The following CMTM7 variants were observed in gnomAD, a reference collection of about 807,000 sequenced individuals.
The protein encoded by CMTM7 is CKLF-like MARVEL transmembrane domain-containing protein 7.
Under a neutral mutation model 19.3 loss-of-function variants are expected in CMTM7, and 7 were observed. The observed-to-expected ratio is 0.36, with a 90% confidence interval of 0.21 to 0.68. The LOEUF (loss-of-function observed/expected upper bound fraction) is 0.68, where lower values mean the gene tolerates loss of function less well. CMTM7 is among the 30% of genes least tolerant of loss of function. The pLI, the probability that CMTM7 is intolerant of heterozygous loss-of-function variation, is 0.60. For missense variants in CMTM7, 193 were observed against 232.6 expected (o/e 0.83, Z 1.11); for synonymous variants, 87 against 99.3 (o/e 0.88, Z 0.74).
At chr3:32,450,578 G>A (rs1377625379) in intron 3 of CMTM7, among the ~76,000 whole-genome samples, 1 of 152,104 alleles carries the variant, frequency 6.6e-6, no homozygotes, top group African/African-American at 2.4e-5. Flanking sequence ...ACTGTAGAGG[G>A]TGGCCAAACC....
At chr3:32,427,075 G>A (rs906885943) in intron 1 of CMTM7, among the ~76,000 whole-genome samples, 1 of 152,126 alleles carries the variant, frequency 6.6e-6, no homozygotes, top group Non-Finnish European at 1.5e-5. Context: ...TAAAGTTAAG[G>A]CCACACCACT....
intron 1 of CMTM7, among the ~76,000 whole-genome samples, chr3:32,400,275 C>G (rs1450012929): frequency 1.3e-5 from 2 of 152,106 alleles, no homozygotes; most frequent in African/African-American, 4.8e-5. Flanking sequence ...CTGCCTTGGC[C>G]TCGCAAAGTG....
Position 32,442,013 on chromosome 3 carries a change from G to A in CMTM7, c.333G>A (p.Ser111=), listed in dbSNP as rs1430695225. ...RVLTCISWPL[S]ELLHYLIGTL... ...TCACCTGTATCAGCTGGCCCCTGTC[G>A]GTAAGAGAGTGGTCTGGCCCTGTCC... is the stretch of plus-strand genomic sequence containing the variant. Residue 111 remains serine (S), a splice_region_variant and synonymous_variant, in exon 2 of 5, where the codon TCG becomes TCA. Transcript: ENST00000334983. The A allele has an allele frequency of 5.0e-6, 8 of 1,613,882 alleles. No homozygotes were observed. Among genetic ancestry groups the A allele is most frequent in the East Asian group, 2.2e-5 (1 of 44,876 alleles).
chr3:32,412,532 C>G (rs1696193491), intron 1 of CMTM7, among the ~76,000 whole-genome samples: 1 of 81,698 alleles, frequency 1.2e-5, no homozygotes, highest in African/African-American at 3.9e-5. Flanking sequence ...CACACACACA[C>G]ACACACACTG....
intron 3 of CMTM7, chr3:32,451,356 C>T (rs1696826488): frequency 6.6e-6 from 1 of 152,312 alleles, no homozygotes; most frequent in Non-Finnish European, 1.5e-5. Flanking sequence ...GGTCTGAGAA[C>T]ACCTAGGCAC....
At chr3:32,425,192 C>T (rs774683652) in intron 1 of CMTM7, among the ~76,000 whole-genome samples, 30 of 152,130 alleles carry the variant, frequency 2.0e-4, no homozygotes, top group Non-Finnish European at 3.7e-4. Context: ...CAGCCCTATG[C>T]CTGGCACATA....
chr3:32,449,579 G>T lies in CMTM7; in HGVS notation c.432+27G>T, dbSNP rs752028307. 8.5e-6 allele frequency: 13 copies of T among 1,536,640 alleles called. No individual in the cohort carries two copies. In the African/African-American group the frequency reaches 1.6e-4, roughly 19 times the overall value. ...TGAGGATGTTTTGGGGAGCCTTTAG[G>T]AATGAATTCTTATTTAAAATGCTCA... On this transcript the variant is annotated intron_variant, in intron 3 of 4. Coordinates refer to ENST00000334983, the MANE Select transcript of CMTM7 (RefSeq NM_138410.4). The surrounding 1 kb of genome is among the most constrained non-coding windows in gnomAD (Gnocchi z 4.5).
chr3:32,402,416 TA>T (rs1696024027), intron 1 of CMTM7, among the ~76,000 whole-genome samples: 3 of 123,994 alleles, frequency 2.4e-5, no homozygotes, highest in Admixed American at 8.4e-5. Flanking sequence ...CCGGCCAGTT[TA>T]CTTTAGATAG....
At chr3:32,404,815 G>A (rs1696066103) in intron 1 of CMTM7, among the ~76,000 whole-genome samples, 1 of 152,234 alleles carries the variant, frequency 6.6e-6, no homozygotes, top group Non-Finnish European at 1.5e-5. Flanking sequence ...CATATGCCAA[G>A]GTGAAGGGAT....
chr3:32,397,530 C>T (rs563107303), intron 1 of CMTM7, among the ~76,000 whole-genome samples: 12 of 151,682 alleles, frequency 7.9e-5, no homozygotes, highest in African/African-American at 2.9e-4. Flanking sequence ...GTCAGGAGAT[C>T]GAGACCATCC....
In CMTM7 at chr3:32,454,275, C is replaced by G; in HGVS notation, c.*21C>G. ...TCTGATGAGGCCACAACCCCTAGGCCCCTCAGGAGCTTTGCAGAGAGGAGG... is the reference window on the plus strand; with the variant it reads ...TCTGATGAGGCCACAACCCCTAGGCGCCTCAGGAGCTTTGCAGAGAGGAGG... On this transcript the variant is annotated 3_prime_UTR_variant, in exon 5 of 5. Coordinates refer to ENST00000334983, the MANE Select transcript of CMTM7 (RefSeq NM_138410.4). 1 of 1,613,664 alleles carries G rather than the reference C, an allele frequency of 6.2e-7. No homozygotes were observed. The highest frequency in any genetic ancestry group is 8.5e-7 in the Non-Finnish European group (1 of 1,179,650).
At chr3:32,404,416 C>G (rs1007899923) in intron 1 of CMTM7, among the ~76,000 whole-genome samples, 9 of 152,294 alleles carry the variant, frequency 5.9e-5, no homozygotes, top group African/African-American at 2.2e-4. Context: ...CCTCCTTGGC[C>G]TCCCAAAGTG....
Position 32,407,818 on chromosome 3 carries a change from A to G in CMTM7, c.159+15753A>G, listed in dbSNP as rs77782332. ...GAGGTTTGTGATGACATATATCCTG[A>G]ATTTATGGATGTGATCACTACTGTA... On this transcript the variant is annotated intron_variant, in intron 1 of 4. Coordinates refer to ENST00000334983, the MANE Select transcript of CMTM7 (RefSeq NM_138410.4). Among the ~76,000 whole-genome samples, 555 of 152,252 alleles carry G rather than the reference A, an allele frequency of 3.6e-3. 7 individuals are homozygous for G. The highest frequency in any genetic ancestry group is 0.013 in the African/African-American group (524 of 41,558).
At chr3:32,402,002 C>T (rs982856924) in intron 1 of CMTM7, among the ~76,000 whole-genome samples, 10 of 152,226 alleles carry the variant, frequency 6.6e-5, no homozygotes, top group African/African-American at 2.4e-4. Flanking sequence ...AGGGCAGTGA[C>T]GCGGCTCTTC....
chr3:32,431,912 A>G (rs1411374837), intron 1 of CMTM7, among the ~76,000 whole-genome samples: 1 of 152,196 alleles, frequency 6.6e-6, no homozygotes, highest in Non-Finnish European at 1.5e-5. Context: ...TGAGCAAATA[A>G]CTTGAGGCCA....
intron 1 of CMTM7, among the ~76,000 whole-genome samples, chr3:32,440,157 A>G (rs1325825687): frequency 2.0e-5 from 3 of 152,044 alleles, no homozygotes; most frequent in African/African-American, 7.3e-5. Context: ...CTGTAATCAC[A>G]GCACTTTGGG....
chr3:32,416,693 T>G (rs2458024), intron 1 of CMTM7, among the ~76,000 whole-genome samples: 63,744 of 151,890 alleles, frequency 0.42, 13,655 homozygotes, highest in South Asian at 0.47. Context: ...CCCAACCATA[T>G]GTACTTGTTA....
At chr3:32,443,661 C>T (rs1696713005) in intron 2 of CMTM7, among the ~76,000 whole-genome samples, 1 of 152,174 alleles carries the variant, frequency 6.6e-6, no homozygotes, top group South Asian at 2.1e-4. Context: ...GCCAAAGTGG[C>T]TCACTGTTTT....
rs112743906 is a variant in CMTM7 at position 32,441,584 on chromosome 3, A to G, written c.160-256A>G. Among the ~76,000 whole-genome samples, 391 of 152,328 alleles carry G rather than the reference A, an allele frequency of 2.6e-3. 1 individual carries two copies. Among genetic ancestry groups the G allele is most frequent in the African/African-American group, 8.9e-3 (372 of 41,572 alleles). ...TCTGAGGGGGCTTCCCGCTGGCACA[A>G]TCTAACAAACTTCAGAGAGGACGAA... On this transcript the variant is annotated intron_variant, in intron 1 of 4. Transcript: ENST00000334983.
Sources: allele counts gnomAD v4.1 joint callset (sites outside exome capture counted in the v4.1 genomes callset), GRCh38; gene constraint gnomAD v4.1.1; non-coding constraint Gnocchi (gnomAD v3.1); transcripts MANE v1.5; gene names NCBI Gene and HGNC (gene_info 2026-07-23, HGNC 2026-07-21).